CADM2: variants seen among roughly 807,000 people sequenced by gnomAD.
CADM2 encodes immunoglobulin superfamily member 4D.
Under a neutral mutation model 49.8 loss-of-function variants are expected in CADM2, and 12 were observed. The ratio of observed to expected loss-of-function variants is 0.24; its 90% CI spans 0.15 to 0.39. The LOEUF is 0.39. Among genes scored for constraint, CADM2 ranks in the 10% least tolerant of loss-of-function variants. The pLI, the probability that CADM2 is intolerant of heterozygous loss-of-function variation, is 1.00. For missense variants in CADM2, 378 were observed against 492.3 expected (o/e 0.77, Z 2.20); for synonymous variants, 214 against 175.4 (o/e 1.22, Z -1.74).
intron 3 of CADM2, among the ~76,000 whole-genome samples, chr3:85,830,442 G>C (rs990144867): frequency 3.3e-5 from 5 of 151,826 alleles, no homozygotes; most frequent in African/African-American, 1.2e-4. Context: ...TCACATAAAT[G>C]GTCTTCAAAT....
chr3:85,352,834 GTTCT>G (rs2031482437), intron 1 of CADM2, among the ~76,000 whole-genome samples: 2 of 152,032 alleles, frequency 1.3e-5, no homozygotes, highest in Non-Finnish European at 2.9e-5. Flanking sequence ...TATCCATGTG[GTTCT>G]GGTTATTAAT....
At chr3:85,144,381 C>T (rs115341961) in intron 1 of CADM2, among the ~76,000 whole-genome samples, 4,663 of 151,898 alleles carry the variant, frequency 0.031, 102 homozygotes, top group East Asian at 0.044. Context: ...GAGACCGAGG[C>T]GGGCAGATCA....
intron 1 of CADM2, among the ~76,000 whole-genome samples, chr3:85,529,614 A>C: frequency 6.6e-6 from 1 of 152,270 alleles, no homozygotes; most frequent in Non-Finnish European, 1.5e-5. Flanking sequence ...TCATTGCAAT[A>C]AAATTAAAAC....
intron 1 of CADM2, among the ~76,000 whole-genome samples, chr3:85,118,349 T>C (rs1301718397): frequency 6.6e-6 from 1 of 152,166 alleles, no homozygotes; most frequent in Non-Finnish European, 1.5e-5. Flanking sequence ...ATTAGTCTGT[T>C]TTCACGCTGC....
At chr3:85,132,165 C>G (rs1455189063) in intron 1 of CADM2, among the ~76,000 whole-genome samples, 1 of 152,136 alleles carries the variant, frequency 6.6e-6, no homozygotes, top group Non-Finnish European at 1.5e-5. Flanking sequence ...GTTGCATTAG[C>G]CTTTTCAGTT....
At chr3:85,336,993 TA>T (rs1188667182) in intron 1 of CADM2, among the ~76,000 whole-genome samples, 1 of 115,064 alleles carries the variant, frequency 8.7e-6, no homozygotes, top group Non-Finnish European at 1.9e-5. Context: ...TATATATATT[TA>T]ATATATATTA....
At chr3:85,925,993 C>G (rs1293465895) in intron 6 of CADM2, among the ~76,000 whole-genome samples, 1 of 151,548 alleles carries the variant, frequency 6.6e-6, no homozygotes, top group Admixed American at 6.6e-5. Flanking sequence ...AAAAAATGAC[C>G]GGGCGTGGTG....
rs181171285 is a variant in CADM2 at position 86,067,881 on chromosome 3, T to G, written c.*1098T>G. 6.6e-6 allele frequency: 1 copy of G among 152,636 alleles called. No homozygotes were observed. The highest frequency in any genetic ancestry group is 2.4e-5 in the African/African-American group (1 of 41,582). The allele number at this position is 152,636 out of a possible 1,614,324, so 9.5% of individuals were successfully genotyped here. On this transcript the variant is annotated 3_prime_UTR_variant, in exon 10 of 10. Transcript: ENST00000383699. Reference sequence around the variant, plus strand: ...TTTCTAGTTCTTGTTAATTTTTATTTGTTATACAATGGAAGCACAATGTTA... The same window carrying G: ...TTTCTAGTTCTTGTTAATTTTTATTGGTTATACAATGGAAGCACAATGTTA...
Position 85,609,306 on chromosome 3 carries a change from A to T in CADM2, c.62-117216A>T, listed in dbSNP as rs548111573. Among the ~76,000 whole-genome samples the T allele has an allele frequency of 2.4e-4, 37 of 152,270 alleles. No individual in the cohort carries two copies. The South Asian group carries it at 3.3e-3, about 14-fold the overall frequency. ...TTGCTCAAAAAATATTCCTGGACCT[A>T]TATTAACTACAAAATAATACTATAG... On this transcript the variant is annotated intron_variant, in intron 1 of 9. Coordinates refer to ENST00000383699, the MANE Select transcript of CADM2 (RefSeq NM_001167675.2).
At chr3:85,620,971 G>C (rs1044940119) in intron 1 of CADM2, among the ~76,000 whole-genome samples, 2 of 152,088 alleles carry the variant, frequency 1.3e-5, no homozygotes, top group African/African-American at 4.8e-5. Context: ...AGTTCCTTAA[G>C]ACTTCCACTT....
chr3:85,989,434 A>C (rs1243466032), intron 8 of CADM2, among the ~76,000 whole-genome samples: 5 of 152,118 alleles, frequency 3.3e-5, no homozygotes, highest in African/African-American at 1.2e-4. Context: ...ACTGGGGGAC[A>C]GGGGACCAAA....
At chr3:85,274,531 G>A (rs2043313880) in intron 1 of CADM2, among the ~76,000 whole-genome samples, 1 of 151,354 alleles carries the variant, frequency 6.6e-6, no homozygotes, top group Admixed American at 6.6e-5. Context: ...GAGGAGAGGG[G>A]GTGGTGGTTG....
chr3:85,331,516 A>T (rs543726208), intron 1 of CADM2, among the ~76,000 whole-genome samples: 22 of 151,468 alleles, frequency 1.5e-4, no homozygotes, highest in South Asian at 4.2e-4. Flanking sequence ...ATTGTCACTA[A>T]AAGTGACAAT....
chr3:85,247,286 AAC>A lies in CADM2; in HGVS notation c.61+287620_61+287621del, dbSNP rs913112315. Among the ~76,000 whole-genome samples the A allele has an allele frequency of 6.6e-5, 10 of 152,180 alleles. 1 individual carries two copies. The highest frequency in any genetic ancestry group is 2.2e-4 in the African/African-American group (9 of 41,550). On this transcript the variant is annotated intron_variant, in intron 1 of 9. Transcript: ENST00000383699. Reference sequence around the variant, plus strand: ...CTTTTCCTAGATCTCACTGGAGTAAAACAAAATATTTACTCTAACATTAGTGA... The same window carrying A: ...CTTTTCCTAGATCTCACTGGAGTAAAAAAATATTTACTCTAACATTAGTGA...
chr3:85,262,683 T>C (rs2043038328), intron 1 of CADM2, among the ~76,000 whole-genome samples: 1 of 152,086 alleles, frequency 6.6e-6, no homozygotes, highest in Non-Finnish European at 1.5e-5. Flanking sequence ...TGAATAATAG[T>C]TTTGCAAAAG....
intron 2 of CADM2, among the ~76,000 whole-genome samples, chr3:85,781,110 G>A (rs1283754774): frequency 1.3e-5 from 2 of 152,102 alleles, no homozygotes; most frequent in Non-Finnish European, 2.9e-5. Flanking sequence ...GGCCAATGAA[G>A]CCCAGTTTAA....
At chr3:85,985,037 G>T (rs1727922034) in intron 8 of CADM2, among the ~76,000 whole-genome samples, 2 of 151,920 alleles carry the variant, frequency 1.3e-5, no homozygotes, top group Non-Finnish European at 1.5e-5. Context: ...AACATTTTAA[G>T]ATGTGTACTC....
chr3:85,207,710 G>A (rs1346582846), intron 1 of CADM2, among the ~76,000 whole-genome samples: 1 of 152,140 alleles, frequency 6.6e-6, no homozygotes, highest in Non-Finnish European at 1.5e-5. Flanking sequence ...TTAAGGACAT[G>A]AATTACAGAG....
chr3:85,554,408 G>A (rs924713039), intron 1 of CADM2, among the ~76,000 whole-genome samples: 1 of 152,080 alleles, frequency 6.6e-6, no homozygotes, highest in African/African-American at 2.4e-5. Flanking sequence ...CCGGTTGGCG[G>A]CACAAAGGTT....
Sources: gnomAD v4.1 joint callset for allele counts (sites outside exome capture counted in the v4.1 genomes callset) on GRCh38, gnomAD v4.1.1 for gene constraint, MANE v1.5 for transcripts, NCBI Gene and HGNC (gene_info 2026-07-23, HGNC 2026-07-21) for gene names.